The following ARHGEF18 variants were observed in gnomAD, a reference collection of about 807,000 sequenced individuals.
ARHGEF18 encodes rho guanine nucleotide exchange factor 18.
In ARHGEF18, 93 loss-of-function variants were observed where a neutral mutation model predicts 155.7. The ratio of observed to expected loss-of-function variants is 0.60; its 90% CI spans 0.50 to 0.71. The LOEUF (loss-of-function observed/expected upper bound fraction) is 0.71. ARHGEF18 is among the 30% of genes least tolerant of loss of function. ARHGEF18 has a pLI of 0.00. For missense variants in ARHGEF18, 1,593 were observed against 1,816.1 expected (o/e 0.88, Z 2.23); for synonymous variants, 742 against 753.1 (o/e 0.99, Z 0.24).
chr19:7,386,055 C>T (rs1971056671), intron 10 of ARHGEF18, among the ~76,000 whole-genome samples: 1 of 144,116 alleles, frequency 6.9e-6, no homozygotes, highest in Non-Finnish European at 1.5e-5. Flanking sequence ...TCCTCCCCGC[C>T]ACCCCCGGGG....
At chr19:7,458,432 C>G in intron 18 of ARHGEF18, 80 bp from the exon 19 acceptor site, 1 of 1,385,872 alleles carries the variant, frequency 7.2e-7, no homozygotes, top group Non-Finnish European at 9.9e-7. Context: ...CTTAGTTCCC[C>G]TCACCAGGCC....
Position 7,470,347 on chromosome 19 carries a change from T to A in ARHGEF18, c.*49T>A. ...GGCCCCTCCCTGCCCTGCCCACCCT[T>A]CCTGCTCTCTGGGGACCCCCATGGG... On this transcript the variant is annotated 3_prime_UTR_variant, in exon 29 of 29. Transcript: ENST00000668164. The surrounding 1 kb of genome is among the most constrained non-coding windows in gnomAD (Gnocchi z 5.9). The A allele has an allele frequency of 7.1e-7, 1 of 1,408,226 alleles. No individual in the cohort carries two copies. The highest frequency in any genetic ancestry group is 2.4e-4 in the Middle Eastern group (1 of 4,156). The allele number at this position is 1,408,226 out of a possible 1,614,324, so 87.2% of individuals were successfully genotyped here. A position where few individuals can be genotyped will look rare whatever the true frequency, so the allele number is the denominator to read the frequency against.
intron 2 of ARHGEF18, among the ~76,000 whole-genome samples, chr19:7,372,543 G>T (rs1970254969): frequency 6.6e-6 from 1 of 152,230 alleles, no homozygotes; most frequent in African/African-American, 2.4e-5. Flanking sequence ...GCCAAGGCTA[G>T]AAGTAGGGGA....
intron 22 of ARHGEF18, among the ~76,000 whole-genome samples, 156 bp from the exon 23 acceptor site, chr19:7,464,404 C>A (rs1976486041): frequency 1.3e-5 from 2 of 152,170 alleles, no homozygotes; most frequent in Admixed American, 1.3e-4. Flanking sequence ...GCACCCAGAC[C>A]AGCCTGCCCC....
intron 3 of ARHGEF18, among the ~76,000 whole-genome samples, chr19:7,375,135 G>A (rs1225249836): frequency 6.6e-6 from 1 of 152,020 alleles, no homozygotes; most frequent in Non-Finnish European, 1.5e-5. Flanking sequence ...AGCTGGGCAT[G>A]GTGGCACGTG....
intron 25 of ARHGEF18, 42 bp downstream of exon 25, chr19:7,467,160 G>C: frequency 6.3e-7 from 1 of 1,578,676 alleles, no homozygotes; most frequent in Non-Finnish European, 8.6e-7. Flanking sequence ...GCCCTTTCCT[G>C]GTTGGCTGGG....
Position 7,395,191 on chromosome 19 carries a change from G to A in ARHGEF18, c.967+11988G>A, listed in dbSNP as rs1041331420. The A allele has an allele frequency of 7.1e-6, 7 of 986,114 alleles. No homozygotes were observed. In the African/African-American group the frequency reaches 1.2e-4, roughly 17 times the overall value. 61.1% of individuals were successfully genotyped at this position (986,114 alleles called of 1,614,324 possible). A position where few individuals can be genotyped will look rare whatever the true frequency, so the allele number is the denominator to read the frequency against. On this transcript the variant is annotated intron_variant, in intron 10 of 28. Coordinates refer to ENST00000668164, the MANE Select transcript of ARHGEF18 (RefSeq NM_001367823.1). This position sits in a 1 kb window ranked among gnomAD's most constrained non-coding sequence, Gnocchi z 5.0. ...GGGGCCGGACGGAGGCATCGGAGGC[G>A]GCTGCGAGAGTGGCAGAGGAGCTGG... is the stretch of plus-strand genomic sequence containing the variant.
intron 16 of ARHGEF18, among the ~76,000 whole-genome samples, chr19:7,452,355 A>G (rs1975534915): frequency 6.6e-6 from 1 of 152,238 alleles, no homozygotes; most frequent in South Asian, 2.1e-4. Context: ...CACTGAATTC[A>G]GGCCGTGAGA....
At chr19:7,461,541 CTCCTTCTCAAAAGAAG>C (rs1976260893) in intron 20 of ARHGEF18, among the ~76,000 whole-genome samples, 1 of 152,046 alleles carries the variant, frequency 6.6e-6, no homozygotes, top group Non-Finnish European at 1.5e-5. Context: ...CAGAGCGAGA[CTCCTTCTCAAAAGAAG>C]AAGGAAGGAA....
At chr19:7,450,414 G>T (rs1033661522) in intron 15 of ARHGEF18, among the ~76,000 whole-genome samples, 18 of 150,668 alleles carry the variant, frequency 1.2e-4, no homozygotes, top group African/African-American at 3.9e-4. Flanking sequence ...TTTCCAAGAT[G>T]TTAATGCGGG....
intron 10 of ARHGEF18, among the ~76,000 whole-genome samples, chr19:7,432,059 C>T (rs1973999716): frequency 6.6e-6 from 1 of 151,956 alleles, no homozygotes; most frequent in Admixed American, 6.6e-5. Flanking sequence ...TTTCTTTGTC[C>T]CCTGAGGTGC....
intron 10 of ARHGEF18, among the ~76,000 whole-genome samples, chr19:7,398,328 C>A: frequency 1.3e-5 from 2 of 152,138 alleles, no homozygotes; most frequent in Middle Eastern, 6.8e-3. Flanking sequence ...TCCTTGGCCT[C>A]CAAGAGAGCT....
the ARHGEF18 span, chr19:7,478,190 T>C: frequency 9.8e-7 from 1 of 1,020,040 alleles, no homozygotes; most frequent in East Asian, 2.6e-5. Context: ...GAGGCTGTGA[T>C]GACTCCCCCA....
chr19:7,439,722 T>G (rs1017874137), intron 10 of ARHGEF18: 18 of 1,300,484 alleles, frequency 1.4e-5, no homozygotes, highest in African/African-American at 3.0e-5. Context: ...GGTCTTAGAG[T>G]CACCCTAACA....
Position 7,469,040 on chromosome 19 carries a change from G to A in ARHGEF18, c.3696G>A (p.Gln1232=), listed in dbSNP as rs555153808. The change falls in exon 27 of 29, where the codon CAG becomes CAA. Residue 1232 remains glutamine, a synonymous_variant. Coordinates refer to ENST00000668164, the MANE Select transcript of ARHGEF18 (RefSeq NM_001367823.1). ...TNQFQRQAAV[Q]QQIPTKLAAS... ...AGTTCCAGAGGCAGGCGGCCGTGCA[G>A]CAGCAGATCCCCACCAAGCTGGCGG... The A allele has an allele frequency of 8.7e-6, 14 of 1,604,880 alleles. No individual in the cohort carries two copies. In the South Asian group the frequency reaches 8.9e-5, roughly 10 times the overall value.
At chr19:7,476,552 C>G (rs1977232480), downstream of ARHGEF18, among the ~76,000 whole-genome samples, 1 of 152,266 alleles carries the variant, frequency 6.6e-6, no homozygotes, top group Non-Finnish European at 1.5e-5. Flanking sequence ...GTTGCCCAGT[C>G]TCAGCCTGGA....
chr19:7,393,709 AC>A (rs1383622805), intron 10 of ARHGEF18, among the ~76,000 whole-genome samples: 1 of 150,978 alleles, frequency 6.6e-6, no homozygotes, highest in African/African-American at 2.4e-5. Context: ...GCCAAATAGC[AC>A]CTGTGTGGAA....
chr19:7,463,489 G>A lies in ARHGEF18; in HGVS notation c.2636-329G>A, dbSNP rs1976415299. ...CACCAAGTGTTTCCTGCTGGCCCTGGGCAGGGCCACATCCAGCATTCGCCA... is the reference window on the plus strand; with the variant it reads ...CACCAAGTGTTTCCTGCTGGCCCTGAGCAGGGCCACATCCAGCATTCGCCA... On this transcript the variant is annotated intron_variant, in intron 21 of 28. Coordinates refer to ENST00000668164, the MANE Select transcript of ARHGEF18 (RefSeq NM_001367823.1). The surrounding 1 kb of genome is among the most constrained non-coding windows in gnomAD (Gnocchi z 5.2). Among the ~76,000 whole-genome samples the A allele has an allele frequency of 6.6e-6, 1 of 152,188 alleles. No homozygotes were observed. The highest frequency in any genetic ancestry group is 6.5e-5 in the Admixed American group (1 of 15,286).
chr19:7,353,718 C>T (rs191984871), intron 1 of ARHGEF18, among the ~76,000 whole-genome samples: 45 of 150,768 alleles, frequency 3.0e-4, no homozygotes, highest in Middle Eastern at 3.6e-3. Context: ...TTTCGGAGGC[C>T]GAGGTGGGAG....
Sources: gnomAD v4.1 joint callset for allele counts (sites outside exome capture counted in the v4.1 genomes callset) on GRCh38, gnomAD v4.1.1 for gene constraint, Gnocchi (gnomAD v3.1) non-coding constraint, MANE v1.5 for transcripts, NCBI Gene and HGNC (gene_info 2026-07-23, HGNC 2026-07-21) for gene names.